Variants in PHEX observed in about 807,000 individuals in gnomAD.
PHEX encodes the protein phosphate regulating endopeptidase X-linked.
In PHEX, 16 loss-of-function variants were observed where a neutral mutation model predicts 68.0. The observed-to-expected ratio is 0.24, with a 90% CI of 0.16 to 0.36. The LOEUF is 0.36. Ranked by LOEUF, PHEX falls within the 10% of genes least tolerant of loss-of-function variation. The pLI, the probability that PHEX is intolerant of heterozygous loss-of-function variation, is 1.00. For missense variants in PHEX, 480 were observed against 575.5 expected (o/e 0.83, Z 1.70); for synonymous variants, 208 against 205.1 (o/e 1.01, Z -0.12).
At chrX:22,043,723 AG>A (rs1454680532) in intron 2 of PHEX, among the ~76,000 whole-genome samples, 2 of 111,906 alleles carry the variant, frequency 1.8e-5, no homozygotes, top group African/African-American at 6.5e-5. Context: ...GCTGGTATTT[AG>A]GGAGGATGCC....
At chrX:22,212,870 C>A (rs1934973727) in intron 15 of PHEX, 34 bp from the exon 16 acceptor site, 3 of 1,099,783 alleles carry the variant, frequency 2.7e-6, no homozygotes, top group Admixed American at 4.4e-5. Context: ...GAATCAATCT[C>A]TCTATATCTC....
chrX:22,224,985 C>T (rs1327649493), intron 18 of PHEX, among the ~76,000 whole-genome samples: 1 of 107,160 alleles, frequency 9.3e-6, no homozygotes, highest in Admixed American at 9.7e-5. Flanking sequence ...TATCATACAG[C>T]TCTGTATGTC....
intron 12 of PHEX, among the ~76,000 whole-genome samples, chrX:22,160,703 T>C (rs1466643578): frequency 9.0e-6 from 1 of 111,573 alleles, no homozygotes; most frequent in African/African-American, 3.3e-5. Flanking sequence ...CCACTGGGTC[T>C]CTCCCATGAC....
At chrX:22,225,903 G>A (rs1014554579) in intron 18 of PHEX, among the ~76,000 whole-genome samples, 1 of 111,681 alleles carries the variant, frequency 9.0e-6, no homozygotes, top group Non-Finnish European at 1.9e-5. Context: ...CGCAGACCTC[G>A]ACCTTGTGAT....
At chrX:22,085,782 T>C (rs1929604939) in intron 5 of PHEX, among the ~76,000 whole-genome samples, 1 of 111,371 alleles carries the variant, frequency 9.0e-6, no homozygotes, top group Non-Finnish European at 1.9e-5. Flanking sequence ...TCTGCAGCAA[T>C]TGGGTGAAAT....
At chrX:22,236,244 G>T (rs980071872) in intron 20 of PHEX, among the ~76,000 whole-genome samples, 2 of 111,851 alleles carry the variant, frequency 1.8e-5, no homozygotes, top group South Asian at 3.8e-4. Context: ...CTTCCCCAAG[G>T]ACCCCAGTCC....
intron 14 of PHEX, among the ~76,000 whole-genome samples, chrX:22,179,439 G>T (rs1474221696): frequency 9.0e-6 from 1 of 110,737 alleles, no homozygotes; most frequent in African/African-American, 3.3e-5. Flanking sequence ...CAGTGTACAT[G>T]TATACTGTAT....
intron 16 of PHEX, among the ~76,000 whole-genome samples, chrX:22,218,456 G>A (rs1935160752): frequency 8.9e-6 from 1 of 111,917 alleles, no homozygotes; most frequent in African/African-American, 3.3e-5. Flanking sequence ...GAGAAATAAT[G>A]TGGCACCTTT....
intron 9 of PHEX, among the ~76,000 whole-genome samples, chrX:22,108,101 C>T (rs1444602952): frequency 9.0e-6 from 1 of 110,975 alleles, no homozygotes; most frequent in Non-Finnish European, 1.9e-5. Flanking sequence ...GTGAGCACTT[C>T]TTGTCCTATT....
In PHEX at chrX:22,128,020, C is replaced by G. The variant is rs149318851; in HGVS notation, c.1303-5503C>G. Among the ~76,000 whole-genome samples, 819 of 111,661 alleles carry G rather than the reference C, an allele frequency of 7.3e-3. 10 individuals carry two copies. The highest frequency in any genetic ancestry group is 0.026 in the African/African-American group (788 of 30,747). ...CCTCTTTTTATTTTCATTTAGAATGCCAATCAATGGGTTACAGACAAAGAG... is the reference window on the plus strand; with the variant it reads ...CCTCTTTTTATTTTCATTTAGAATGGCAATCAATGGGTTACAGACAAAGAG... On this transcript the variant is annotated intron_variant, in intron 11 of 21. Coordinates refer to ENST00000379374, the MANE Select transcript of PHEX (RefSeq NM_000444.6).
intron 12 of PHEX, among the ~76,000 whole-genome samples, chrX:22,167,193 AT>A (rs200961210): frequency 0.037 from 4,137 of 110,837 alleles, 205 homozygotes; most frequent in African/African-American, 0.12. Context: ...TGGTAGTTAC[AT>A]TTTTAATTTT....
At chrX:22,147,407 G>A (rs1178456238) in intron 12 of PHEX, among the ~76,000 whole-genome samples, 2 of 110,875 alleles carry the variant, frequency 1.8e-5, no homozygotes, top group African/African-American at 6.6e-5. Flanking sequence ...GCTGCTGTCA[G>A]CTGCACCCTT....
At position 22,249,453 on chromosome X, in the gene PHEX, A is replaced by ATATATATATATATATATAT. The variant is rs1222771440; in HGVS notation, c.*1500_*1501insTATATATATATATATATAT. The ATATATATATATATATATAT allele has an allele frequency of 2.5e-4, 7 of 28,037 alleles. No homozygotes were observed. The highest frequency in any genetic ancestry group is 1.5e-3 in the African/African-American group (7 of 4,827). 2.3% of individuals were successfully genotyped at this position (28,037 alleles called of 1,213,427 possible). A position where few individuals can be genotyped will look rare whatever the true frequency, so the allele number is the denominator to read the frequency against. On this transcript the variant is annotated 3_prime_UTR_variant, in exon 22 of 22. Coordinates refer to ENST00000379374, the MANE Select transcript of PHEX (RefSeq NM_000444.6). The stretch of plus-strand genomic sequence containing the variant: ...ATTTGTGATTCTTTTAAAAAAAAAA[A>ATATATATATATATATATAT]AAATATATATATATATATATATATA...
chrX:22,099,521 T>C (rs1930323641), intron 9 of PHEX, among the ~76,000 whole-genome samples: 1 of 110,580 alleles, frequency 9.0e-6, no homozygotes, highest in East Asian at 2.8e-4. Flanking sequence ...TTTTTTTTTT[T>C]CCTGGTTCCT....
intron 5 of PHEX, among the ~76,000 whole-genome samples, chrX:22,080,431 G>T (rs1929338686): frequency 9.0e-6 from 1 of 111,068 alleles, no homozygotes; most frequent in African/African-American, 3.3e-5. Flanking sequence ...CCTTCCCTCA[G>T]ATATAATATA....
At chrX:22,237,717 A>C (rs1936030178) in intron 20 of PHEX, among the ~76,000 whole-genome samples, 1 of 112,325 alleles carries the variant, frequency 8.9e-6, no homozygotes, top group Admixed American at 9.4e-5. Context: ...CCCGTTAGGC[A>C]TCATATACTC....
At chrX:22,139,418 G>C (rs1932364626) in intron 12 of PHEX, among the ~76,000 whole-genome samples, 1 of 112,179 alleles carries the variant, frequency 8.9e-6, no homozygotes, top group Admixed American at 9.5e-5. Context: ...TATTGTCGTT[G>C]TGATATATAT....
At chrX:22,198,135 TATA>T (rs1425702706) in intron 15 of PHEX, among the ~76,000 whole-genome samples, 7 of 104,612 alleles carry the variant, frequency 6.7e-5, no homozygotes, top group Admixed American at 2.2e-4. Context: ...TAATATATTA[TATA>T]ATATTTATAT....
At chrX:22,092,711 A>G (rs769107029) in intron 6 of PHEX, among the ~76,000 whole-genome samples, 15 of 99,155 alleles carry the variant, frequency 1.5e-4, no homozygotes, top group Non-Finnish European at 2.2e-4. Flanking sequence ...ATAGCAAAAT[A>G]TTATTTCTAT....
Sources: gnomAD v4.1 joint callset for allele counts (sites outside exome capture counted in the v4.1 genomes callset) on GRCh38, gnomAD v4.1.1 for gene constraint, MANE v1.5 for transcripts, NCBI Gene and HGNC (gene_info 2026-07-23, HGNC 2026-07-21) for gene names.